TNKS: variants seen among roughly 807,000 people sequenced by gnomAD.
TNKS encodes the protein poly [ADP-ribose] polymerase tankyrase-1.
A neutral mutation model predicts 135.8 loss-of-function variants in TNKS; 72 were observed. The observed-to-expected ratio is 0.53, with a 90% CI of 0.44 to 0.64. The LOEUF (loss-of-function observed/expected upper bound fraction) is 0.64, where lower values mean the gene tolerates loss of function less well. Among genes scored for constraint, TNKS ranks in the 30% least tolerant of loss-of-function variants. The pLI, the probability that TNKS is intolerant of heterozygous loss-of-function variation, is 0.00. For missense variants in TNKS, 1,769 were observed against 1,674.0 expected (o/e 1.06, Z -0.99); for synonymous variants, 849 against 649.3 (o/e 1.31, Z -4.68).
intron 12 of TNKS, among the ~76,000 whole-genome samples, chr8:9,722,235 G>A (rs949045418): frequency 6.6e-6 from 1 of 152,032 alleles, no homozygotes; most frequent in East Asian, 1.9e-4. Context: ...ATACAGCCAA[G>A]TTGAGAATCA....
At chr8:9,566,860 G>T (rs962700429) in intron 1 of TNKS, among the ~76,000 whole-genome samples, 87 of 150,820 alleles carry the variant, frequency 5.8e-4, no homozygotes, top group African/African-American at 2.0e-3. Context: ...CACCCGCCTC[G>T]GCCTCCCAAA....
intron 26 of TNKS, 119 bp downstream of exon 26, chr8:9,770,381 A>T: frequency 9.4e-7 from 1 of 1,064,680 alleles, no homozygotes; most frequent in Non-Finnish European, 1.3e-6. Flanking sequence ...TGCTAGTATT[A>T]ATTACTTCAG....
At chr8:9,612,484 C>T (rs1411277379) in intron 2 of TNKS, among the ~76,000 whole-genome samples, 1 of 152,042 alleles carries the variant, frequency 6.6e-6, no homozygotes, top group African/African-American at 2.4e-5. Context: ...GCAAAATGGT[C>T]CGTAGGCCAA....
intron 1 of TNKS, among the ~76,000 whole-genome samples, chr8:9,563,957 CT>C (rs1173312548): frequency 1.8e-4 from 27 of 152,244 alleles, no homozygotes; most frequent in Non-Finnish European, 3.8e-4. Flanking sequence ...GTAATCCCCC[CT>C]GTCCCTTTTT....
chr8:9,565,168 A>G (rs191819323), intron 1 of TNKS, among the ~76,000 whole-genome samples: 8 of 152,156 alleles, frequency 5.3e-5, no homozygotes, highest in Non-Finnish European at 1.0e-4. Flanking sequence ...TTGTTTTGCC[A>G]GTTTGTTCAG....
At chr8:9,730,855 G>T in intron 13 of TNKS, 35 bp from the exon 14 acceptor site, 1 of 1,589,994 alleles carries the variant, frequency 6.3e-7, no homozygotes, top group Non-Finnish European at 8.6e-7. Flanking sequence ...AGTAATGTTC[G>T]TTTTGTGTTT....
Position 9,762,720 on chromosome 8 carries a change from A to T in TNKS, c.3275-427A>T, listed in dbSNP as rs1275113132. On this transcript the variant is annotated intron_variant, in intron 21 of 26. Transcript: ENST00000310430. ...GATTGAGACTATCCTGGCTAACATGATGAAACCCTGTCTCTACTAAACAAA... is the reference window on the plus strand; with the variant it reads ...GATTGAGACTATCCTGGCTAACATGTTGAAACCCTGTCTCTACTAAACAAA... Among the ~76,000 whole-genome samples, 6 of 152,022 alleles carry T rather than the reference A, an allele frequency of 3.9e-5. No homozygotes were observed. The East Asian group carries it at 1.2e-3, about 29-fold the overall frequency.
chr8:9,766,796 A>G (rs1296747698), intron 25 of TNKS, among the ~76,000 whole-genome samples: 1 of 152,006 alleles, frequency 6.6e-6, no homozygotes, highest in African/African-American at 2.4e-5. Flanking sequence ...AAATTGGTTT[A>G]TCAGGCTCTG....
chr8:9,746,579 A>G, intron 17 of TNKS, among the ~76,000 whole-genome samples: 1 of 151,954 alleles, frequency 6.6e-6, no homozygotes, highest in Non-Finnish European at 1.5e-5. Flanking sequence ...CCACCTTGTA[A>G]TTATCTTTCT....
At chr8:9,754,922 T>C (rs936140528) in intron 20 of TNKS, among the ~76,000 whole-genome samples, 14 of 152,328 alleles carry the variant, frequency 9.2e-5, no homozygotes, top group African/African-American at 3.1e-4. Flanking sequence ...CCTTATTCCC[T>C]AACTGAAGGT....
intron 9 of TNKS, 94 bp from the exon 10 acceptor site, chr8:9,709,861 A>C (rs1158729301): frequency 3.4e-6 from 3 of 872,326 alleles, no homozygotes; most frequent in South Asian, 3.1e-5. Flanking sequence ...CTGAGATAAC[A>C]ATGTTTTAAA....
rs1261523087 is a variant in TNKS, at chr8:9,560,660, G to C, written c.673+4048G>C. On this transcript the variant is annotated intron_variant, in intron 1 of 26. Coordinates refer to ENST00000310430, the MANE Select transcript of TNKS (RefSeq NM_003747.3). ...GAGTGGGAATTATCTTACACTTCTC[G>C]TTGCCTGGCAAGATCCTTTATATTA... 3.3e-5 allele frequency among the ~76,000 whole-genome samples: 5 copies of C among 151,604 alleles called. No individual in the cohort carries two copies. The East Asian group carries it at 7.7e-4, about 23-fold the overall frequency.
intron 11 of TNKS, among the ~76,000 whole-genome samples, chr8:9,717,103 T>TATATA (rs1554476739): frequency 1.1e-3 from 42 of 39,310 alleles, no homozygotes; most frequent in Admixed American, 1.5e-3. Context: ...ATATATATAT[T>TATATA]TTCAGGGAAT....
chr8:9,636,553 C>G (rs530041807), intron 3 of TNKS, among the ~76,000 whole-genome samples: 2 of 152,010 alleles, frequency 1.3e-5, no homozygotes, highest in Non-Finnish European at 2.9e-5. Context: ...GTTCCCAGGC[C>G]TCATTTCAGA....
chr8:9,687,148 T>A (rs1803040497), intron 5 of TNKS, among the ~76,000 whole-genome samples: 3 of 152,166 alleles, frequency 2.0e-5, no homozygotes, highest in Admixed American at 2.0e-4. Flanking sequence ...TAGTGACCTT[T>A]ATCACCCTCC....
At chr8:9,698,328 C>G (rs1196530649) in intron 5 of TNKS, among the ~76,000 whole-genome samples, 2 of 118,956 alleles carry the variant, frequency 1.7e-5, no homozygotes, top group African/African-American at 6.5e-5. Flanking sequence ...ACCCATGTAA[C>G]AAACCTGCAC....
chr8:9,603,639 C>G (rs1311210480), intron 2 of TNKS, among the ~76,000 whole-genome samples: 1 of 152,150 alleles, frequency 6.6e-6, no homozygotes, highest in African/African-American at 2.4e-5. Flanking sequence ...GAGTAAGGCA[C>G]AATAGGCTGT....
At chr8:9,679,652 T>C (rs894986647) in intron 3 of TNKS, 1 of 307,256 alleles carries the variant, frequency 3.3e-6, no homozygotes, top group Non-Finnish European at 6.2e-6. Flanking sequence ...TGTCTTCAGC[T>C]GGCATGCTGT....
chr8:9,584,564 C>G (rs898654009), intron 2 of TNKS, among the ~76,000 whole-genome samples: 5 of 152,156 alleles, frequency 3.3e-5, no homozygotes, highest in African/African-American at 9.7e-5. Context: ...TGGTCCTCTA[C>G]TCTCCTGTCA....
Sources: gnomAD v4.1 joint callset for allele counts (sites outside exome capture counted in the v4.1 genomes callset) on GRCh38, gnomAD v4.1.1 for gene constraint, MANE v1.5 for transcripts, NCBI Gene and HGNC (gene_info 2026-07-23, HGNC 2026-07-21) for gene names.